CMSS1: variants seen among roughly 807,000 people sequenced by gnomAD.
CMSS1 encodes cms1 ribosomal small subunit homolog, also known as protein CMSS1.
A neutral mutation model predicts 43.5 loss-of-function variants in CMSS1; 33 were observed. That is an observed-to-expected ratio of 0.76 (90% confidence interval 0.57 to 1.01). The LOEUF (loss-of-function observed/expected upper bound fraction) is 1.01, where lower values mean the gene tolerates loss of function less well. Ranked by LOEUF, CMSS1 falls within the 50% of genes least tolerant of loss-of-function variation. The pLI is 0.00. For synonymous variants in CMSS1, 115 were observed against 117.2 expected (o/e 0.98, Z 0.12); for missense variants, 313 against 326.4 (o/e 0.96, Z 0.32).
intron 1 of CMSS1, among the ~76,000 whole-genome samples, chr3:100,045,158 A>G (rs1393506534): frequency 1.3e-5 from 2 of 152,244 alleles, no homozygotes; most frequent in Admixed American, 6.5e-5. Context: ...TTTATAGATT[A>G]TATTTAAAGC....
intron 1 of CMSS1, among the ~76,000 whole-genome samples, chr3:99,946,880 T>C (rs1052405645): frequency 6.6e-6 from 1 of 152,136 alleles, no homozygotes; most frequent in Non-Finnish European, 1.5e-5. Context: ...GATACAGTCA[T>C]TTGTTGCACA....
At chr3:99,989,682 A>ATT (rs1448811033) in intron 1 of CMSS1, among the ~76,000 whole-genome samples, 4 of 23,364 alleles carry the variant, frequency 1.7e-4, no homozygotes, top group African/African-American at 3.4e-4. Context: ...ATATATATAT[A>ATT]TATTTTTTTT....
At chr3:100,063,174 CTTG>C (rs1449079525) in intron 1 of CMSS1, among the ~76,000 whole-genome samples, 5 of 152,178 alleles carry the variant, frequency 3.3e-5, no homozygotes, top group Non-Finnish European at 7.3e-5. Flanking sequence ...TCACCCACTA[CTTG>C]TTGTCCATTT....
In CMSS1 at chr3:99,850,244, G is replaced by A. The variant is rs759537008; in HGVS notation, c.64+32201G>A. On this transcript the variant is annotated intron_variant, in intron 1 of 9. Coordinates refer to ENST00000421999, the MANE Select transcript of CMSS1 (RefSeq NM_032359.4). ...AGAGTGAATTCTGTCTTTTCTAGCC[G>A]ACTTTCAATGGCTTCTAGCTCTTTG... 3.3e-5 allele frequency: 54 copies of A among 1,613,580 alleles called. 1 individual carries two copies. The South Asian group carries it at 4.0e-4, about 12-fold the overall frequency.
rs2107430991 is a variant in CMSS1, at chr3:100,090,350, A to C, written c.65-56623A>C. ...TTGAAAACACCTTTTGGAAAAGTGC[A>C]GCTGGGAATGCAAGCATGGGATTCA... is the stretch of plus-strand genomic sequence containing the variant. On this transcript the variant is annotated intron_variant, in intron 1 of 9. Transcript: ENST00000421999. Among the ~76,000 whole-genome samples, 3 of 152,386 alleles carry C rather than the reference A, an allele frequency of 2.0e-5. 1 individual carries two copies. Among genetic ancestry groups the C allele is most frequent in the Admixed American group, 2.0e-4 (3 of 15,314 alleles).
intron 1 of CMSS1, chr3:99,830,122 C>A (rs1254475567): frequency 5.2e-6 from 1 of 193,696 alleles, no homozygotes; most frequent in East Asian, 1.2e-4. Context: ...TGAATTCAGT[C>A]CTATCCCAGG....
rs9990322 is a variant in CMSS1, at chr3:100,121,290, G to A, written c.65-25683G>A. 7.7e-3 allele frequency among the ~76,000 whole-genome samples: 1,071 copies of A among 138,892 alleles called. 12 individuals carry two copies. Among genetic ancestry groups the A allele is most frequent in the African/African-American group, 0.028 (1,011 of 36,414 alleles). 91.1% of individuals were successfully genotyped at this position (138,892 alleles called of 152,430 possible). ...CGATGTGTGATGTTCCCCTCCCTGT[G>A]TCCGTGTGTTTTCATTGTTCAGCTC... is the stretch of plus-strand genomic sequence containing the variant. On this transcript the variant is annotated intron_variant, in intron 1 of 9. Transcript: ENST00000421999.
chr3:99,891,671 C>T (rs1449421766), intron 1 of CMSS1, among the ~76,000 whole-genome samples: 1 of 151,890 alleles, frequency 6.6e-6, no homozygotes, highest in African/African-American at 2.4e-5. Flanking sequence ...AATCTCATAC[C>T]GAAAATCAGC....
At chr3:99,843,881 G>A (rs565622525) in intron 1 of CMSS1, among the ~76,000 whole-genome samples, 2 of 152,162 alleles carry the variant, frequency 1.3e-5, no homozygotes, top group African/African-American at 4.8e-5. Context: ...ATAGGAGCAC[G>A]AACCCTATTG....
In CMSS1 at chr3:99,985,963, A is replaced by C. The variant is rs116560621; in HGVS notation, c.65-161010A>C. 4.5e-3 allele frequency among the ~76,000 whole-genome samples: 686 copies of C among 152,318 alleles called. 7 individuals are homozygous for C. Among genetic ancestry groups the C allele is most frequent in the African/African-American group, 0.016 (672 of 41,566 alleles). ...GGGGTTAAAGTCAGTATGACCACAG[A>C]ACACATTTGTACCACAATACTTTGA... On this transcript the variant is annotated intron_variant, in intron 1 of 9. Transcript: ENST00000421999.
chr3:100,049,630 C>T (rs1002366726), intron 1 of CMSS1, among the ~76,000 whole-genome samples: 2 of 152,178 alleles, frequency 1.3e-5, no homozygotes, highest in Admixed American at 1.3e-4. Flanking sequence ...TGAACTCTGT[C>T]GACTTCTGCC....
chr3:100,054,428 C>T (rs1023461395), intron 1 of CMSS1, among the ~76,000 whole-genome samples: 6 of 152,076 alleles, frequency 3.9e-5, no homozygotes, highest in African/African-American at 7.3e-5. Flanking sequence ...AAGTGGAGCA[C>T]GTACTCTTGC....
chr3:99,978,224 A>G (rs984378293), intron 1 of CMSS1, among the ~76,000 whole-genome samples: 1 of 152,158 alleles, frequency 6.6e-6, no homozygotes, highest in East Asian at 1.9e-4. Flanking sequence ...TTCAAATCCA[A>G]CCATCTCCAA....
intron 1 of CMSS1, among the ~76,000 whole-genome samples, chr3:99,893,400 C>T (rs1034483556): frequency 1.3e-5 from 2 of 152,064 alleles, no homozygotes; most frequent in Non-Finnish European, 2.9e-5. Flanking sequence ...CTCCTGACCT[C>T]GTGATCCGCC....
At chr3:100,142,313 T>A (rs1467111077) in intron 1 of CMSS1, among the ~76,000 whole-genome samples, 5 of 152,072 alleles carry the variant, frequency 3.3e-5, no homozygotes, top group Admixed American at 2.0e-4. Context: ...TGAAAAAAAA[T>A]GTGTCTTTAC....
intron 1 of CMSS1, among the ~76,000 whole-genome samples, chr3:100,118,823 A>G (rs949608686): frequency 6.6e-6 from 1 of 152,188 alleles, no homozygotes; most frequent in Admixed American, 6.5e-5. Flanking sequence ...ACTCTTAGAT[A>G]TCATCCTACA....
At position 99,840,023 on chromosome 3, in the gene CMSS1, T is replaced by C. The variant is rs1167870948; in HGVS notation, c.64+21980T>C. On this transcript the variant is annotated intron_variant, in intron 1 of 9. Transcript: ENST00000421999. The stretch of plus-strand genomic sequence containing the variant: ...ATTTAGCCATGTCTGGAGATATTAT[T>C]GTCACAGTTGGGGGATGCTACATGG... Among the ~76,000 whole-genome samples, 4 of 152,100 alleles carry C rather than the reference T, an allele frequency of 2.6e-5. No homozygotes were observed. The East Asian group carries it at 7.7e-4, about 29-fold the overall frequency.
At chr3:100,047,873 TG>T (rs899052390) in intron 1 of CMSS1, among the ~76,000 whole-genome samples, 28 of 151,340 alleles carry the variant, frequency 1.9e-4, no homozygotes, top group South Asian at 4.2e-4. Flanking sequence ...AATGACAGGG[TG>T]GGCGAAAAAT....
At chr3:100,001,746 ATCC>A (rs1242744338) in intron 1 of CMSS1, among the ~76,000 whole-genome samples, 3 of 152,128 alleles carry the variant, frequency 2.0e-5, no homozygotes, top group African/African-American at 7.2e-5. Flanking sequence ...TGTAGGTTGG[ATCC>A]TTTGAATTTA....
Sources: gnomAD v4.1 joint callset for allele counts (sites outside exome capture counted in the v4.1 genomes callset) on GRCh38, gnomAD v4.1.1 for gene constraint, MANE v1.5 for transcripts, NCBI Gene and HGNC (gene_info 2026-07-23, HGNC 2026-07-21) for gene names.